The following DCX variants were observed in gnomAD, a reference collection of about 807,000 sequenced individuals.
DCX encodes neuronal migration protein doublecortin.
A neutral mutation model predicts 20.9 loss-of-function variants in DCX; 4 were observed. The observed-to-expected ratio is 0.19, with a 90% CI of 0.09 to 0.44. DCX has a LOEUF of 0.44. Among genes scored for constraint, DCX ranks in the 20% least tolerant of loss-of-function variants. The pLI, the probability that DCX is intolerant of heterozygous loss-of-function variation, is 0.99. For synonymous variants in DCX, 103 were observed against 111.4 expected (o/e 0.92, Z 0.47); for missense variants, 133 against 296.9 (o/e 0.45, Z 4.06).
chrX:111,312,327 A>C (rs1233049751), intron 6 of DCX, among the ~76,000 whole-genome samples: 1 of 112,079 alleles, frequency 8.9e-6, no homozygotes, highest in Non-Finnish European at 1.9e-5. Context: ...ATGTCTCTGA[A>C]CTGGGGAGAC....
In DCX at chrX:111,297,012, C is replaced by A. The variant is rs1283457339; in HGVS notation, c.*4675G>T. On this transcript the variant is annotated 3_prime_UTR_variant, in exon 7 of 7. Transcript: ENST00000636035. ...GGATAGATGGGGCAACATTCTCATGCCTCACCCCAGATGAGCTCCAAAACA... is the reference window on the plus strand; with the variant it reads ...GGATAGATGGGGCAACATTCTCATGACTCACCCCAGATGAGCTCCAAAACA... 9.0e-6 allele frequency: 1 copy of A among 110,935 alleles called. No homozygotes were observed. Among genetic ancestry groups the A allele is most frequent in the Non-Finnish European group, 1.9e-5 (1 of 52,930 alleles). 9.1% of individuals were successfully genotyped at this position (110,935 alleles called of 1,213,427 possible). A position where few individuals can be genotyped will look rare whatever the true frequency, so the allele number is the denominator to read the frequency against.
chrX:111,337,193 C>G (rs962927914), intron 3 of DCX, among the ~76,000 whole-genome samples: 9 of 111,838 alleles, frequency 8.0e-5, no homozygotes, highest in Admixed American at 4.7e-4. Context: ...ATATCACTTA[C>G]AGCATTACAG....
At position 111,297,083 on chromosome X, in the gene DCX, C is replaced by T. The variant is rs1004454923; in HGVS notation, c.*4604G>A. The T allele has an allele frequency of 8.9e-5, 10 of 112,084 alleles. No individual in the cohort carries two copies. Among genetic ancestry groups the T allele is most frequent in the African/African-American group, 3.2e-4 (10 of 30,837 alleles). 9.2% of individuals were successfully genotyped at this position (112,084 alleles called of 1,213,427 possible). A position where few individuals can be genotyped will look rare whatever the true frequency, so the allele number is the denominator to read the frequency against. On this transcript the variant is annotated 3_prime_UTR_variant, in exon 7 of 7. Transcript: ENST00000636035. Reference sequence around the variant, plus strand: ...CCAGTCTGGGACTTAAAGCCAAAGCCCTTCAGTGAAGGCAATATATGAGTA... The same window carrying T: ...CCAGTCTGGGACTTAAAGCCAAAGCTCTTCAGTGAAGGCAATATATGAGTA...
intron 3 of DCX, among the ~76,000 whole-genome samples, chrX:111,377,560 C>T (rs965255489): frequency 5.5e-4 from 61 of 111,293 alleles, no homozygotes; most frequent in African/African-American, 2.0e-3. Context: ...ATTTCCCAAT[C>T]GGACTGCTTG....
chrX:111,321,339 A>G (rs769044013), intron 5 of DCX, among the ~76,000 whole-genome samples: 6 of 111,415 alleles, frequency 5.4e-5, no homozygotes, highest in Admixed American at 1.9e-4. Context: ...ACGCAGCACA[A>G]TTGCCAAGCT....
At chrX:111,315,943 G>C (rs867287420) in intron 5 of DCX, among the ~76,000 whole-genome samples, 493 of 44,318 alleles carry the variant, frequency 0.011, 23 homozygotes, top group African/African-American at 0.05. Context: ...GTCGGGGGAG[G>C]GGGGAGGGAT....
intron 3 of DCX, among the ~76,000 whole-genome samples, chrX:111,387,854 C>A (rs1256775595): frequency 9.0e-6 from 1 of 111,545 alleles, no homozygotes; most frequent in African/African-American, 3.3e-5. Context: ...GCTGTGCGAG[C>A]CATTCAGACC....
chrX:111,409,506 C>T (rs766478510), intron 2 of DCX, among the ~76,000 whole-genome samples: 13 of 111,793 alleles, frequency 1.2e-4, no homozygotes, highest in Non-Finnish European at 1.9e-4. Context: ...CTAAAGTAGG[C>T]TTTTTAGAAG....
At position 111,295,646 on chromosome X, in the gene DCX, C is replaced by T. The variant is rs970383800; in HGVS notation, c.*6041G>A. 8.9e-6 allele frequency: 1 copy of T among 111,862 alleles called. No individual in the cohort carries two copies. Among genetic ancestry groups the T allele is most frequent in the Non-Finnish European group, 1.9e-5 (1 of 53,179 alleles). 9.2% of individuals were successfully genotyped at this position (111,862 alleles called of 1,213,427 possible). On this transcript the variant is annotated 3_prime_UTR_variant, in exon 7 of 7. Transcript: ENST00000636035. Reference sequence around the variant, plus strand: ...CTTTAAAAATTATGGGCACATCAAACAAAATCAATTATTAGTATTTAGCTG... The same window carrying T: ...CTTTAAAAATTATGGGCACATCAAATAAAATCAATTATTAGTATTTAGCTG...
In DCX at chrX:111,337,442, C is replaced by T. The variant is rs754005307; in HGVS notation, c.706-4289G>A. Reference sequence around the variant, plus strand: ...GGAAGCCAGCTTGGTTGTGCATTAGCATGAATGATAGATTATATGGATAGT... The same window carrying T: ...GGAAGCCAGCTTGGTTGTGCATTAGTATGAATGATAGATTATATGGATAGT... On this transcript the variant is annotated intron_variant, in intron 3 of 6. Transcript: ENST00000636035. Among the ~76,000 whole-genome samples, 168 of 111,002 alleles carry T rather than the reference C, an allele frequency of 1.5e-3. 1 individual carries two copies. Among genetic ancestry groups the T allele is most frequent in the Non-Finnish European group, 2.4e-3 (129 of 52,958 alleles).
At chrX:111,411,737 C>G (rs1417909723) in intron 1 of DCX, 1 of 111,518 alleles carries the variant, frequency 9.0e-6, no homozygotes, top group Non-Finnish European at 1.9e-5. Context: ...AAGACTGGTG[C>G]CTAATGGGTC....
At chrX:111,379,356 AG>A (rs1354092265) in intron 3 of DCX, among the ~76,000 whole-genome samples, 4 of 111,552 alleles carry the variant, frequency 3.6e-5, no homozygotes, top group Non-Finnish European at 7.5e-5. Context: ...TGTGCCCATT[AG>A]CTGTAAATCC....
At chrX:111,381,955 C>T (rs1300208502) in intron 3 of DCX, among the ~76,000 whole-genome samples, 1 of 111,796 alleles carries the variant, frequency 8.9e-6, no homozygotes, top group Non-Finnish European at 1.9e-5. Flanking sequence ...AAATCCACTG[C>T]ACCATCCCTG....
At chrX:111,335,085 G>A (rs754900225) in intron 3 of DCX, among the ~76,000 whole-genome samples, 3 of 111,541 alleles carry the variant, frequency 2.7e-5, no homozygotes, top group African/African-American at 9.8e-5. Context: ...TTTACCTGCC[G>A]CCACATCCTT....
intron 3 of DCX, among the ~76,000 whole-genome samples, chrX:111,350,362 A>C (rs1375299488): frequency 8.9e-6 from 1 of 112,035 alleles, no homozygotes; most frequent in Non-Finnish European, 1.9e-5. Flanking sequence ...AAGCAATAAT[A>C]ATAATACCAT....
intron 3 of DCX, among the ~76,000 whole-genome samples, chrX:111,348,269 G>A (rs1923003203): frequency 3.6e-5 from 4 of 111,959 alleles, no homozygotes. Flanking sequence ...TGAGTAGCAT[G>A]AAAATACCAG....
At chrX:111,403,965 G>A (rs938477405) in intron 2 of DCX, among the ~76,000 whole-genome samples, 2 of 109,859 alleles carry the variant, frequency 1.8e-5, no homozygotes, top group African/African-American at 6.6e-5. Flanking sequence ...AGAATCGCTT[G>A]AACCTGGGAG....
At chrX:111,320,209 G>T (rs1457450327) in intron 5 of DCX, among the ~76,000 whole-genome samples, 1 of 111,919 alleles carries the variant, frequency 8.9e-6, no homozygotes, top group Non-Finnish European at 1.9e-5. Flanking sequence ...AGCTAAAGGA[G>T]GCCCTACATT....
At chrX:111,341,818 C>T (rs1922265694) in intron 3 of DCX, among the ~76,000 whole-genome samples, 1 of 110,942 alleles carries the variant, frequency 9.0e-6, no homozygotes, top group Non-Finnish European at 1.9e-5. Flanking sequence ...TCCAGACAAA[C>T]AAATGCCGAG....
Sources: gnomAD v4.1 joint callset for allele counts (sites outside exome capture counted in the v4.1 genomes callset) on GRCh38, gnomAD v4.1.1 for gene constraint, MANE v1.5 for transcripts, NCBI Gene and HGNC (gene_info 2026-07-23, HGNC 2026-07-21) for gene names.